TMED2: variants seen among roughly 807,000 people sequenced by gnomAD.
The protein encoded by TMED2 is transmembrane emp24 domain-containing protein 2.
Under a neutral mutation model 17.5 loss-of-function variants are expected in TMED2, and 3 were observed. That is an observed-to-expected ratio of 0.17 (90% CI 0.08 to 0.44). The LOEUF (loss-of-function observed/expected upper bound fraction) is 0.44. Ranked by LOEUF, TMED2 falls within the 20% of genes least tolerant of loss-of-function variation. The pLI, the probability that TMED2 is intolerant of heterozygous loss-of-function variation, is 0.99. For synonymous variants in TMED2, 95 were observed against 91.0 expected (o/e 1.04, Z -0.25); for missense variants, 149 against 254.8 (o/e 0.58, Z 2.83).
chr12:123,588,352 T>C (rs566036153), intron 2 of TMED2, among the ~76,000 whole-genome samples: 1 of 152,296 alleles, frequency 6.6e-6, no homozygotes, highest in South Asian at 2.1e-4. Flanking sequence ...TTGGTTGGAT[T>C]TTGAAATCTA....
chr12:123,591,780 GAA>G (rs778677618), intron 3 of TMED2, among the ~76,000 whole-genome samples: 1 of 143,744 alleles, frequency 7.0e-6, no homozygotes, highest in African/African-American at 2.5e-5. Flanking sequence ...GACTCTGTCT[GAA>G]AAAAAAAAAG....
intron 1 of TMED2, 177 bp downstream of exon 1, chr12:123,584,993 C>T (rs937013989): frequency 9.3e-6 from 7 of 750,392 alleles, no homozygotes; most frequent in Non-Finnish European, 1.5e-5. Context: ...CTCCTAACGG[C>T]CCCTTTTCCC....
At chr12:123,587,251 A>G (rs1953357340) in intron 2 of TMED2, among the ~76,000 whole-genome samples, 1 of 151,998 alleles carries the variant, frequency 6.6e-6, no homozygotes, top group Admixed American at 6.6e-5. Context: ...GGTTCAAGCG[A>G]TTCTCCCAAG....
At chr12:123,592,745 G>A (rs191208208) in intron 3 of TMED2, among the ~76,000 whole-genome samples, 43 of 152,290 alleles carry the variant, frequency 2.8e-4, no homozygotes, top group African/African-American at 1.0e-3. Context: ...TGAGTGGCAT[G>A]AGGACAGTGT....
At chr12:123,590,476 A>G (rs746444311) in intron 3 of TMED2, 27 bp downstream of exon 3, 48 of 1,550,928 alleles carry the variant, frequency 3.1e-5, no homozygotes. Context: ...ACTTTGCAGC[A>G]GTGTCTGATG....
chr12:123,591,266 A>T (rs1055873363), intron 3 of TMED2, among the ~76,000 whole-genome samples: 1 of 152,176 alleles, frequency 6.6e-6, no homozygotes, highest in East Asian at 1.9e-4. Flanking sequence ...TCAAGTTTGT[A>T]AGTTGGGAAT....
Position 123,584,777 on chromosome 12 carries a change from C to T in TMED2, c.141C>T (p.Phe47=), listed in dbSNP as rs758231490. The change falls in exon 1 of 4, where the codon TTC becomes TTT. Residue 47 remains phenylalanine, a synonymous_variant. Transcript: ENST00000262225. ...VTSGTKMGLI[F]EVAEGGFLDI... ...CGGGCACCAAGATGGGCCTCATCTT[C>T]GAGGTGGCGGAGGGCGGCTTCCTGG... 5.6e-6 allele frequency: 9 copies of T among 1,613,016 alleles called. No homozygotes were observed. The Admixed American group carries it at 1.3e-4, about 24-fold the overall frequency.
At chr12:123,587,034 T>A (rs889562967) in intron 2 of TMED2, 95 bp downstream of exon 2, 147 of 1,171,008 alleles carry the variant, frequency 1.3e-4, no homozygotes, top group Middle Eastern at 2.3e-4. Context: ...TTATTTTTTT[T>A]AAATTTCTTA....
chr12:123,591,780 GA>G (rs778677618), intron 3 of TMED2, among the ~76,000 whole-genome samples: 18 of 143,620 alleles, frequency 1.3e-4, no homozygotes, highest in Non-Finnish European at 1.2e-4. Flanking sequence ...GACTCTGTCT[GA>G]AAAAAAAAAA....
rs370893391 is a variant in TMED2 at position 123,592,410 on chromosome 12, G to A, written c.481+1961G>A. On this transcript the variant is annotated intron_variant, in intron 3 of 3. Transcript: ENST00000262225. The stretch of plus-strand genomic sequence containing the variant: ...ACCAGATGGCTTTCAAGTTATAGAA[G>A]TTCTTGGGAACACAGTGGCCAGAGG... Among the ~76,000 whole-genome samples, 10 of 150,072 alleles carry A rather than the reference G, an allele frequency of 6.7e-5. No individual in the cohort carries two copies. In the South Asian group the frequency reaches 1.3e-3, roughly 19 times the overall value.
chr12:123,588,683 A>G (rs1386725507), intron 2 of TMED2, among the ~76,000 whole-genome samples: 3 of 152,184 alleles, frequency 2.0e-5, no homozygotes, highest in Admixed American at 1.3e-4. Context: ...ATATTTGGCA[A>G]TATCTGGAGG....
chr12:123,591,021 G>A (rs1593639357), intron 3 of TMED2, among the ~76,000 whole-genome samples: 1 of 151,718 alleles, frequency 6.6e-6, no homozygotes, highest in East Asian at 1.9e-4. Flanking sequence ...TTTTAAAAAT[G>A]TATGGTGAGC....
rs927846329 is a variant in TMED2 at position 123,588,497 on chromosome 12, G to C, written c.373+1558G>C. 6.3e-4 allele frequency among the ~76,000 whole-genome samples: 96 copies of C among 152,168 alleles called. 1 individual carries two copies. Among genetic ancestry groups the C allele is most frequent in the African/African-American group, 2.3e-3 (95 of 41,442 alleles). The stretch of plus-strand genomic sequence containing the variant: ...TTTTTTGGTTTATTTTCTGGAGTTT[G>C]ATCCTACTTAAATAGTTTGAAAATG... On this transcript the variant is annotated intron_variant, in intron 2 of 3. Coordinates refer to ENST00000262225, the MANE Select transcript of TMED2 (RefSeq NM_006815.4).
chr12:123,587,518 C>A, intron 2 of TMED2: 1 of 968,726 alleles, frequency 1.0e-6, no homozygotes, highest in Non-Finnish European at 1.4e-6. Context: ...CTAATCCTGG[C>A]ATATACTTTA....
chr12:123,584,711 C>T lies in TMED2; in HGVS notation c.75C>T (p.Ile25=). 1.2e-6 allele frequency: 2 copies of T among 1,613,858 alleles called. No individual in the cohort carries two copies. Among genetic ancestry groups the T allele is most frequent in the Non-Finnish European group, 1.7e-6 (2 of 1,179,912 alleles). Residue 25 remains isoleucine, a synonymous_variant, in exon 1 of 4, where the codon ATC becomes ATT. Coordinates refer to ENST00000262225, the MANE Select transcript of TMED2 (RefSeq NM_006815.4). ...CGGTCTCGGGCTATTTCGTTAGCATCGACGCCCATGCTGAAGAGTGCTTCT... is the reference window on the plus strand; with the variant it reads ...CGGTCTCGGGCTATTTCGTTAGCATTGACGCCCATGCTGAAGAGTGCTTCT... ...LATVSGYFVS[I]DAHAEECFFE... is the part of the protein sequence containing the mutation.
At position 123,584,659 on chromosome 12, in the gene TMED2, T is replaced by C; in HGVS notation, c.23T>C (p.Leu8Pro). 2 of 1,612,666 alleles carry C rather than the reference T, an allele frequency of 1.2e-6. No homozygotes were observed. The highest frequency in any genetic ancestry group is 1.7e-6 in the Non-Finnish European group (2 of 1,179,772). Reference sequence around the variant, plus strand: ...ACCATGGTGACGCTTGCTGAACTGCTGGTGCTTCTGGCCGCTCTCCTGGCC... The same window carrying C: ...ACCATGGTGACGCTTGCTGAACTGCCGGTGCTTCTGGCCGCTCTCCTGGCC... The part of the protein sequence containing the change: MVTLAEL[L>P]VLLAALLATV... The change falls in exon 1 of 4, where the codon CTG (leucine) becomes CCG (proline). Residue 8 changes from leucine to proline, a missense_variant. Coordinates refer to ENST00000262225, the MANE Select transcript of TMED2 (RefSeq NM_006815.4).
chr12:123,584,577 G>A lies in TMED2; in HGVS notation c.-60G>A. ...GAGAAGGCAGCGGGGCGGCGGCGGC[G>A]GCGGCGGCGGCGGCTGTGGAGGCCG... On this transcript the variant is annotated 5_prime_UTR_variant, in exon 1 of 4. Transcript: ENST00000262225. 3 of 1,554,254 alleles carry A rather than the reference G, an allele frequency of 1.9e-6. No individual in the cohort carries two copies. The highest frequency in any genetic ancestry group is 1.1e-5 in the South Asian group (1 of 87,784).
At chr12:123,596,511 C>T (rs1953431858) in intron 3 of TMED2, 94 bp from the exon 4 acceptor site, 3 of 1,476,630 alleles carry the variant, frequency 2.0e-6, no homozygotes, top group African/African-American at 1.4e-5. Context: ...CACAATATTA[C>T]TTTCACACAG....
intron 2 of TMED2, chr12:123,587,711 A>T: frequency 1.7e-6 from 2 of 1,193,992 alleles, no homozygotes; most frequent in South Asian, 1.4e-5. Context: ...CTTTTTTCTA[A>T]CCTCAGTTTG....
Sources: gnomAD v4.1 joint callset for allele counts (sites outside exome capture counted in the v4.1 genomes callset) on GRCh38, gnomAD v4.1.1 for gene constraint, MANE v1.5 for transcripts, NCBI Gene and HGNC (gene_info 2026-07-23, HGNC 2026-07-21) for gene names.